The following COP1 variants were observed in gnomAD, a reference collection of about 807,000 sequenced individuals.
COP1 encodes E3 ubiquitin-protein ligase COP1.
In COP1, 24 loss-of-function variants were observed where a neutral mutation model predicts 101.3. That is an observed-to-expected ratio of 0.24 (90% CI 0.17 to 0.33). The LOEUF is 0.33. COP1 is among the 10% of genes least tolerant of loss of function. The probability of loss-of-function intolerance (pLI) is 1.00; values close to 1 mark genes in which losing one functional copy is unlikely to be tolerated. For missense variants in COP1, 663 were observed against 906.2 expected, an observed-to-expected ratio of 0.73 and a Z score of 3.45; for synonymous variants, 347 against 341.9, an observed-to-expected ratio of 1.01 and a Z score of -0.17.
intron 9 of COP1, among the ~76,000 whole-genome samples, chr1:176,098,159 T>G (rs1487681368): frequency 2.0e-5 from 3 of 152,176 alleles, no homozygotes; most frequent in Admixed American, 6.5e-5. Flanking sequence ...GGCTCCACAT[T>G]TGGTAAAACC....
chr1:176,134,913 G>A, intron 8 of COP1, 97 bp downstream of exon 8: 1 of 795,184 alleles, frequency 1.3e-6, no homozygotes, highest in South Asian at 1.7e-5. Context: ...ATTTCTCAGG[G>A]GTTTCATACA....
chr1:176,173,955 C>T (rs996652962), intron 3 of COP1, among the ~76,000 whole-genome samples: 33 of 114,010 alleles, frequency 2.9e-4, no homozygotes, highest in African/African-American at 1.1e-3. Flanking sequence ...CCACTGCACT[C>T]TAGCCTGGGC....
intron 1 of COP1, among the ~76,000 whole-genome samples, chr1:176,203,888 G>A (rs1183529544): frequency 6.6e-6 from 1 of 152,166 alleles, no homozygotes; most frequent in African/African-American, 2.4e-5. Context: ...GAGGGGAGAA[G>A]GACAGGTCCC....
At chr1:176,168,437 GAAGA>G (rs999285016) in intron 3 of COP1, among the ~76,000 whole-genome samples, 1 of 141,940 alleles carries the variant, frequency 7.0e-6, no homozygotes, top group African/African-American at 2.6e-5. Context: ...AGGAAGGAAG[GAAGA>G]AAGGGAAGAA....
At chr1:176,017,927 C>T (rs1665963231) in intron 15 of COP1, among the ~76,000 whole-genome samples, 1 of 152,180 alleles carries the variant, frequency 6.6e-6, no homozygotes, top group African/African-American at 2.4e-5. Flanking sequence ...GAAAGCTACT[C>T]TTTGACAAAA....
intron 18 of COP1, among the ~76,000 whole-genome samples, chr1:175,956,026 T>A (rs1403279204): frequency 6.6e-6 from 1 of 152,046 alleles, no homozygotes; most frequent in Non-Finnish European, 1.5e-5. Context: ...AGCAAAGACA[T>A]TATAATAGTT....
At chr1:176,173,455 G>C (rs1696425008) in intron 3 of COP1, among the ~76,000 whole-genome samples, 1 of 150,106 alleles carries the variant, frequency 6.7e-6, no homozygotes. Flanking sequence ...GGAAAACATA[G>C]TGAGACCTTG....
At chr1:176,123,101 C>T (rs1419211452) in intron 8 of COP1, among the ~76,000 whole-genome samples, 2 of 152,150 alleles carry the variant, frequency 1.3e-5, no homozygotes, top group Non-Finnish European at 2.9e-5. Context: ...ATTTGTAATT[C>T]ACACAGTAGA....
intron 18 of COP1, among the ~76,000 whole-genome samples, chr1:175,972,045 A>G (rs1653346249): frequency 6.6e-6 from 1 of 152,152 alleles, no homozygotes; most frequent in African/African-American, 2.4e-5. Flanking sequence ...TGTGACAGAG[A>G]TGGGATCTTT....
At chr1:175,948,124 T>C (rs1186257392) in intron 18 of COP1, among the ~76,000 whole-genome samples, 1 of 152,216 alleles carries the variant, frequency 6.6e-6, no homozygotes, top group East Asian at 1.9e-4. Context: ...GATGAGAATA[T>C]ATGTGGTGAA....
intron 15 of COP1, among the ~76,000 whole-genome samples, chr1:176,014,136 T>C (rs1264331760): frequency 6.6e-6 from 1 of 152,150 alleles, no homozygotes; most frequent in African/African-American, 2.4e-5. Flanking sequence ...AGAATTTGAT[T>C]TGAGGTGAAA....
intron 9 of COP1, among the ~76,000 whole-genome samples, chr1:176,107,748 G>A (rs1684563353): frequency 6.6e-6 from 1 of 152,140 alleles, no homozygotes; most frequent in South Asian, 2.1e-4. Context: ...AGTGATCAAA[G>A]TTAACATCAC....
chr1:176,137,244 T>C (rs1689951155), intron 6 of COP1, among the ~76,000 whole-genome samples: 1 of 152,200 alleles, frequency 6.6e-6, no homozygotes, highest in African/African-American at 2.4e-5. Context: ...ACATTGTAAC[T>C]GTTGAATAAC....
chr1:176,150,505 T>C (rs188068338), intron 5 of COP1, among the ~76,000 whole-genome samples: 26 of 152,326 alleles, frequency 1.7e-4, no homozygotes, highest in Admixed American at 9.8e-4. Context: ...GTCTCAACAA[T>C]GACGACAAAG....
At chr1:176,166,991 T>C (rs791752) in intron 3 of COP1, among the ~76,000 whole-genome samples, 2 of 152,036 alleles carry the variant, frequency 1.3e-5, no homozygotes, top group Admixed American at 6.5e-5. Context: ...TGGTTACCTA[T>C]GGAAAATAAA....
intron 11 of COP1, among the ~76,000 whole-genome samples, chr1:176,058,308 G>C (rs867108510): frequency 6.6e-6 from 1 of 152,160 alleles, no homozygotes; most frequent in Non-Finnish European, 1.5e-5. Flanking sequence ...TGACAATGGC[G>C]GTTTTGTGGA....
At chr1:175,996,283 C>A (rs1329930797) in intron 15 of COP1, among the ~76,000 whole-genome samples, 1 of 152,240 alleles carries the variant, frequency 6.6e-6, no homozygotes, top group African/African-American at 2.4e-5. Flanking sequence ...CAACCCGCAG[C>A]CAATATCATA....
chr1:176,183,355 T>C (rs766678480), intron 2 of COP1, among the ~76,000 whole-genome samples: 2 of 152,104 alleles, frequency 1.3e-5, no homozygotes, highest in Non-Finnish European at 2.9e-5. Context: ...TAAAATAATA[T>C]GCCAACAGAA....
chr1:176,122,119 G>A (rs1251097972), intron 8 of COP1, among the ~76,000 whole-genome samples: 3 of 128,120 alleles, frequency 2.3e-5, no homozygotes, highest in South Asian at 2.5e-4. Flanking sequence ...CAGCTTGGGC[G>A]ACAGAGCAAG....
Sources: gnomAD v4.1 joint callset for allele counts (sites outside exome capture counted in the v4.1 genomes callset) on GRCh38, gnomAD v4.1.1 for gene constraint, MANE v1.5 for transcripts, NCBI Gene and HGNC (gene_info 2026-07-23, HGNC 2026-07-21) for gene names.